SLIT3: variants seen among roughly 807,000 people sequenced by gnomAD.
SLIT3 encodes slit homolog 3 protein.
SLIT3 carries 68 observed loss-of-function variants against 184.0 expected under a neutral mutation model. The ratio of observed to expected loss-of-function variants is 0.37; its 90% CI spans 0.30 to 0.45. The LOEUF (loss-of-function observed/expected upper bound fraction) is 0.45. Among genes scored for constraint, SLIT3 ranks in the 20% least tolerant of loss-of-function variants. The pLI is 1.00. For missense variants in SLIT3, 1,707 were observed against 2,026.0 expected (o/e 0.84, Z 3.02); for synonymous variants, 831 against 828.6 (o/e 1.00, Z -0.05).
intron 4 of SLIT3, among the ~76,000 whole-genome samples, chr5:169,159,093 C>G (rs1762395897): frequency 6.6e-6 from 1 of 150,952 alleles, no homozygotes; most frequent in Non-Finnish European, 1.5e-5. Context: ...AATTAAAAAA[C>G]AGAGACTGAG....
chr5:168,778,791 G>A (rs926793579), intron 12 of SLIT3, among the ~76,000 whole-genome samples: 9 of 152,212 alleles, frequency 5.9e-5, no homozygotes, highest in African/African-American at 2.2e-4. Flanking sequence ...GCTGCCTGGC[G>A]CTCAAACTGA....
intron 3 of SLIT3, among the ~76,000 whole-genome samples, chr5:169,214,293 C>T (rs1303783552): frequency 2.0e-5 from 3 of 152,194 alleles, no homozygotes; most frequent in Admixed American, 6.5e-5. Context: ...AGAGTTTGCT[C>T]TAAGGCAGCA....
intron 4 of SLIT3, among the ~76,000 whole-genome samples, chr5:169,007,053 T>C (rs1423781542): frequency 6.6e-6 from 1 of 152,048 alleles, no homozygotes; most frequent in Non-Finnish European, 1.5e-5. Flanking sequence ...GACTGGATCA[T>C]GGGGGCGGTT....
intron 3 of SLIT3, among the ~76,000 whole-genome samples, chr5:169,221,682 G>A (rs1041342123): frequency 3.3e-5 from 5 of 152,024 alleles, no homozygotes; most frequent in African/African-American, 4.8e-5. Flanking sequence ...GACATCCTTC[G>A]CCCTCCGTTC....
At chr5:169,116,514 A>G (rs555108377) in intron 4 of SLIT3, among the ~76,000 whole-genome samples, 4 of 152,358 alleles carry the variant, frequency 2.6e-5, no homozygotes, top group African/African-American at 4.8e-5. Context: ...CAGAAAACCC[A>G]GAAACCCAAA....
chr5:169,218,147 T>G (rs568959136), intron 3 of SLIT3, among the ~76,000 whole-genome samples: 1 of 152,340 alleles, frequency 6.6e-6, no homozygotes, highest in South Asian at 2.1e-4. Context: ...TACCAAGGAC[T>G]GTTTGTACCA....
chr5:169,275,598 GGT>G (rs1484135706), intron 1 of SLIT3, among the ~76,000 whole-genome samples: 1 of 152,156 alleles, frequency 6.6e-6, no homozygotes, highest in Non-Finnish European at 1.5e-5. Context: ...TCATAATCAT[GGT>G]GGAGGGTGAA....
At chr5:169,202,877 A>T (rs1017057235) in intron 3 of SLIT3, among the ~76,000 whole-genome samples, 21 of 151,938 alleles carry the variant, frequency 1.4e-4, no homozygotes, top group Admixed American at 3.3e-4. Context: ...TTTTTCTCCA[A>T]TGACATGGCT....
chr5:169,063,156 T>C (rs1009263778), intron 4 of SLIT3, among the ~76,000 whole-genome samples: 5 of 152,180 alleles, frequency 3.3e-5, no homozygotes, highest in East Asian at 1.9e-4. Context: ...TAAGTGCCAA[T>C]TGAGCCCCCG....
chr5:168,966,014 T>C (rs775338692), intron 4 of SLIT3, among the ~76,000 whole-genome samples: 1 of 152,218 alleles, frequency 6.6e-6, no homozygotes, highest in Non-Finnish European at 1.5e-5. Context: ...GGCCAAAGCT[T>C]AGGCAGTCAT....
At chr5:168,693,495 T>G (rs776713942) in intron 28 of SLIT3, among the ~76,000 whole-genome samples, 1 of 152,178 alleles carries the variant, frequency 6.6e-6, no homozygotes. Context: ...AAAATGTGTT[T>G]TAGGAATGTG....
At chr5:168,778,387 T>C (rs1055458375) in intron 12 of SLIT3, among the ~76,000 whole-genome samples, 2 of 152,222 alleles carry the variant, frequency 1.3e-5, no homozygotes, top group African/African-American at 4.8e-5. Context: ...CTCTTTTCCA[T>C]TTTCCCTATG....
intron 23 of SLIT3, among the ~76,000 whole-genome samples, chr5:168,715,585 G>T (rs940466120): frequency 1.3e-5 from 2 of 152,354 alleles, no homozygotes; most frequent in East Asian, 3.9e-4. Context: ...AGCCCATCAG[G>T]ACCCTCTGTG....
chr5:168,722,795 G>T, intron 22 of SLIT3, 138 bp downstream of exon 22: 2 of 705,822 alleles, frequency 2.8e-6, no homozygotes, highest in Non-Finnish European at 5.1e-6. Flanking sequence ...GATGATTAAG[G>T]TGTATCTTAT....
At chr5:168,869,568 TCGGC>T (rs1759435633) in intron 5 of SLIT3, among the ~76,000 whole-genome samples, 1 of 152,220 alleles carries the variant, frequency 6.6e-6, no homozygotes, top group Non-Finnish European at 1.5e-5. Context: ...GGTGTACATG[TCGGC>T]AGTGGGGAGA....
chr5:169,098,048 G>T (rs1242267332), intron 4 of SLIT3, among the ~76,000 whole-genome samples: 1 of 152,136 alleles, frequency 6.6e-6, no homozygotes, highest in Non-Finnish European at 1.5e-5. Flanking sequence ...CAGAAAGGAT[G>T]CCCAGAGCAA....
At position 169,163,678 on chromosome 5, in the gene SLIT3, G is replaced by A. The variant is rs139510942; in HGVS notation, c.413+29801C>T. Among the ~76,000 whole-genome samples the A allele has an allele frequency of 4.7e-3, 711 of 152,268 alleles. 6 individuals are homozygous for A. The highest frequency in any genetic ancestry group is 6.6e-3 in the Non-Finnish European group (447 of 68,020). ...GCAACCTCACCAAAGCGATTAGACAGATAGCATGAGCTATCAGCCCAGATA... is the reference window on the plus strand; with the variant it reads ...GCAACCTCACCAAAGCGATTAGACAAATAGCATGAGCTATCAGCCCAGATA... On this transcript the variant is annotated intron_variant, in intron 4 of 35. Transcript: ENST00000519560.
intron 1 of SLIT3, among the ~76,000 whole-genome samples, chr5:169,287,776 G>A (rs1767208892): frequency 6.6e-6 from 1 of 152,148 alleles, no homozygotes; most frequent in Non-Finnish European, 1.5e-5. Flanking sequence ...CGTTTCTCAG[G>A]GCGGTTGCAA....
At chr5:169,265,129 G>C (rs1272083435) in intron 1 of SLIT3, among the ~76,000 whole-genome samples, 1 of 151,516 alleles carries the variant, frequency 6.6e-6, no homozygotes, top group East Asian at 1.9e-4. Flanking sequence ...CCCTGCCCCT[G>C]TTTTGCTCAG....
Sources: gnomAD v4.1 joint callset for allele counts (sites outside exome capture counted in the v4.1 genomes callset) on GRCh38, gnomAD v4.1.1 for gene constraint, MANE v1.5 for transcripts, NCBI Gene and HGNC (gene_info 2026-07-23, HGNC 2026-07-21) for gene names.